ZNF700: variants seen among roughly 807,000 people sequenced by gnomAD.
ZNF700 encodes the protein zinc finger protein 700.
In ZNF700, 38 loss-of-function variants were observed where a neutral mutation model predicts 65.3. The observed-to-expected ratio is 0.58, with a 90% CI of 0.45 to 0.76. The LOEUF (loss-of-function observed/expected upper bound fraction) is 0.76, where lower values mean the gene tolerates loss of function less well. Among genes scored for constraint, ZNF700 ranks in the 30% least tolerant of loss-of-function variants. The pLI is 0.00. For synonymous variants in ZNF700, 285 were observed against 290.4 expected, an observed-to-expected ratio of 0.98 and a Z score of 0.19; for missense variants, 857 against 888.4, an observed-to-expected ratio of 0.96 and a Z score of 0.45.
chr19:11,930,663 A>G (rs1311485695), intron 1 of ZNF700, among the ~76,000 whole-genome samples: 1 of 148,222 alleles, frequency 6.7e-6, no homozygotes, highest in African/African-American at 2.6e-5. Flanking sequence ...CACTTGTATC[A>G]TTGGCTGACA....
chr19:11,935,685 AACAG>A lies in ZNF700; in HGVS notation c.63+10417_63+10420del, dbSNP rs532012841. 1.5e-3 allele frequency among the ~76,000 whole-genome samples: 231 copies of A among 152,274 alleles called. 1 individual carries two copies. The highest frequency in any genetic ancestry group is 5.1e-3 in the African/African-American group (213 of 41,570). ...ATTCTGTTAACAAAGTCATTTCCAA[AACAG>A]ACAGTTTTACTTTGTTTGTTTTGTT... On this transcript the variant is annotated intron_variant, in intron 1 of 3. Transcript: ENST00000254321.
intron 1 of ZNF700, among the ~76,000 whole-genome samples, chr19:11,937,340 ATTAT>A (rs1403838948): frequency 7.2e-5 from 11 of 152,040 alleles, no homozygotes; most frequent in African/African-American, 1.2e-4. Context: ...ACCATGTCTA[ATTAT>A]TTATTTATTT....
intron 1 of ZNF700, 190 bp from the exon 2 acceptor site, chr19:11,946,991 A>T (rs967204764): frequency 2.1e-5 from 23 of 1,095,812 alleles, no homozygotes; most frequent in Admixed American, 3.6e-5. Flanking sequence ...TCTGTCTCAA[A>T]AAATAAATAA....
chr19:11,940,111 A>C (rs1042771669), intron 1 of ZNF700: 1 of 152,144 alleles, frequency 6.6e-6, no homozygotes, highest in Non-Finnish European at 1.5e-5. Context: ...TTGTATTTTT[A>C]GTAGAGACAA....
At position 11,950,016 on chromosome 19, in the gene ZNF700, A is replaced by T. The variant is rs867226639; in HGVS notation, c.1992A>T (p.Gln664His). The part of the protein sequence containing the change: ...EKAFCKFSSF[Q>H]IHERKHRGEK... ...CATTCTGTAAATTCTCTTCTTTTCAAATACATGAAAGGAAGCACAGAGGAG... is the reference window on the plus strand; with the variant it reads ...CATTCTGTAAATTCTCTTCTTTTCATATACATGAAAGGAAGCACAGAGGAG... The change falls in exon 4 of 4, where the codon CAA becomes CAT. Residue 664 changes from glutamine to histidine, a missense_variant. Physicochemically the swap from Gln to His is conservative, Grantham distance 24 (BLOSUM62 0). Coordinates refer to ENST00000254321, the MANE Select transcript of ZNF700 (RefSeq NM_144566.3). The T allele has an allele frequency of 6.2e-7, 1 of 1,613,962 alleles. No homozygotes were observed. Among genetic ancestry groups the T allele is most frequent in the African/African-American group, 1.3e-5 (1 of 74,910 alleles).
chr19:11,933,802 G>A (rs533113632), intron 1 of ZNF700, among the ~76,000 whole-genome samples: 3 of 144,226 alleles, frequency 2.1e-5, no homozygotes, highest in South Asian at 2.1e-4. Flanking sequence ...CTGAGATGGC[G>A]CCACTGCACT....
Position 11,948,591 on chromosome 19 carries a change from T to C in ZNF700, c.567T>C (p.Thr189=). 1.2e-6 allele frequency: 2 copies of C among 1,607,814 alleles called. No individual in the cohort carries two copies. Among genetic ancestry groups the C allele is most frequent in the Non-Finnish European group, 1.7e-6 (2 of 1,178,710 alleles). Residue 189 remains threonine (T), a synonymous_variant, in exon 4 of 4, where the codon ACT becomes ACC. Transcript: ENST00000254321. ...TTAGAACACAAGAAAGGGATCACAC[T>C]GGAGAGAAACCCTATGCTTGTAAAG... The part of the protein sequence containing the change: ...PSIRTQERDH[T]GEKPYACKVC...
At position 11,942,630 on chromosome 19, in the gene ZNF700, G is replaced by A. The variant is rs369307553; in HGVS notation, c.64-4551G>A. Among the ~76,000 whole-genome samples the A allele has an allele frequency of 5.4e-4, 82 of 152,312 alleles. 1 individual carries two copies. The highest frequency in any genetic ancestry group is 1.5e-3 in the South Asian group (7 of 4,822). The stretch of plus-strand genomic sequence containing the variant: ...ACACAGGGATCCACATGAAAGGATC[G>A]TGATCAATTAAACAAGGATGGAGTG... On this transcript the variant is annotated intron_variant, in intron 1 of 3. Transcript: ENST00000254321.
rs577608125 is a variant in ZNF700 at position 11,943,702 on chromosome 19, G to A, written c.64-3479G>A. Among the ~76,000 whole-genome samples, 56 of 152,250 alleles carry A rather than the reference G, an allele frequency of 3.7e-4. No individual in the cohort carries two copies. The South Asian group carries it at 3.7e-3, about 10-fold the overall frequency. On this transcript the variant is annotated intron_variant, in intron 1 of 3. Coordinates refer to ENST00000254321, the MANE Select transcript of ZNF700 (RefSeq NM_144566.3). ...AGGCATTCATAATAACTAGAAAACC[G>A]AAAGATTGTTTTAACTTGTTGCCCT...
Position 11,950,447 on chromosome 19 carries a change from G to A in ZNF700, c.*194G>A, listed in dbSNP as rs1973049524. ...TTTACTTCTTTTCAATGTCATGAAA[G>A]GACTCACACGGGAGAGAAACCCTAT... On this transcript the variant is annotated 3_prime_UTR_variant, in exon 4 of 4. Coordinates refer to ENST00000254321, the MANE Select transcript of ZNF700 (RefSeq NM_144566.3). 2 of 720,508 alleles carry A rather than the reference G, an allele frequency of 2.8e-6. No individual in the cohort carries two copies. The highest frequency in any genetic ancestry group is 1.8e-5 in the African/African-American group (1 of 56,620). 44.6% of individuals were successfully genotyped at this position (720,508 alleles called of 1,614,324 possible). A position where few individuals can be genotyped will look rare whatever the true frequency, so the allele number is the denominator to read the frequency against.
chr19:11,928,269 G>C lies in ZNF700; in HGVS notation c.63+2996G>C, dbSNP rs1295157373. Among the ~76,000 whole-genome samples, 7 of 152,286 alleles carry C rather than the reference G, an allele frequency of 4.6e-5. No homozygotes were observed. The East Asian group carries it at 1.3e-3, about 29-fold the overall frequency. On this transcript the variant is annotated intron_variant, in intron 1 of 3. Transcript: ENST00000254321. ...CAAAAGTGCTGGGATTACAGATACAGATATCAGCCACTGCACCTGGCTAAC... is the reference window on the plus strand; with the variant it reads ...CAAAAGTGCTGGGATTACAGATACACATATCAGCCACTGCACCTGGCTAAC...
At chr19:11,925,806 G>T (rs1972617980) in intron 1 of ZNF700, among the ~76,000 whole-genome samples, 1 of 152,244 alleles carries the variant, frequency 6.6e-6, no homozygotes, top group Admixed American at 6.5e-5. Context: ...AGTTTATTCA[G>T]AGCCGAATAG....
chr19:11,941,352 G>A (rs995962806), intron 1 of ZNF700, among the ~76,000 whole-genome samples: 2 of 152,232 alleles, frequency 1.3e-5, no homozygotes, highest in South Asian at 2.1e-4. Context: ...AGGGGGCGGC[G>A]CTCATCGGGG....
At chr19:11,941,820 G>A (rs1264483923) in intron 1 of ZNF700, among the ~76,000 whole-genome samples, 2 of 152,242 alleles carry the variant, frequency 1.3e-5, no homozygotes, top group East Asian at 3.9e-4. Context: ...CCAAGAGCGA[G>A]CGAGGGCTGT....
At chr19:11,936,472 T>C (rs1201659484) in intron 1 of ZNF700, among the ~76,000 whole-genome samples, 2 of 152,256 alleles carry the variant, frequency 1.3e-5, no homozygotes, top group East Asian at 1.9e-4. Flanking sequence ...GTCTGTTGGC[T>C]GCATAAATGT....
chr19:11,926,614 C>G (rs1400371547), intron 1 of ZNF700: 2 of 154,168 alleles, frequency 1.3e-5, no homozygotes, highest in Non-Finnish European at 2.9e-5. Flanking sequence ...GTCTCGAACT[C>G]CTGACCTCAA....
At chr19:11,941,198 C>T (rs974429239) in intron 1 of ZNF700, among the ~76,000 whole-genome samples, 6 of 152,246 alleles carry the variant, frequency 3.9e-5, no homozygotes, top group Non-Finnish European at 5.9e-5. Context: ...AGTTTCTCCA[C>T]GTCCCCACCA....
At chr19:11,928,965 A>G (rs1247770896) in intron 1 of ZNF700, among the ~76,000 whole-genome samples, 3 of 147,436 alleles carry the variant, frequency 2.0e-5, no homozygotes, top group Admixed American at 6.7e-5. Context: ...GGAGAGGGAA[A>G]GGGTCTTTCC....
intron 1 of ZNF700, among the ~76,000 whole-genome samples, chr19:11,935,292 A>AGTGGTG (rs1568292064): frequency 1.6e-5 from 2 of 123,852 alleles, no homozygotes; most frequent in African/African-American, 6.6e-5. Flanking sequence ...TCTGGAGTGC[A>AGTGGTG]GTGGTGTAAT....
Sources: allele counts gnomAD v4.1 joint callset (sites outside exome capture counted in the v4.1 genomes callset), GRCh38; gene constraint gnomAD v4.1.1; transcripts MANE v1.5; gene names NCBI Gene and HGNC (gene_info 2026-07-23, HGNC 2026-07-21).